LRRC61: variants seen among roughly 807,000 people sequenced by gnomAD.
LRRC61 encodes the protein leucine-rich repeat-containing protein 61.
A neutral mutation model predicts 15.1 loss-of-function variants in LRRC61; 9 were observed. The ratio of observed to expected loss-of-function variants is 0.60; its 90% confidence interval spans 0.36 to 1.04. The LOEUF is 1.04. LRRC61 is among the 50% of genes least tolerant of loss of function. The probability of loss-of-function intolerance (pLI) is 0.01; values close to 1 mark genes in which losing one functional copy is unlikely to be tolerated. For synonymous variants in LRRC61, 173 were observed against 158.6 expected (o/e 1.09, Z -0.68); for missense variants, 344 against 335.6 (o/e 1.03, Z -0.20).
At position 150,330,648 on chromosome 7, in the gene LRRC61, A is replaced by C. The variant is rs947104618; in HGVS notation, c.-145+4638A>C. The C allele has an allele frequency of 4.9e-6, 5 of 1,015,764 alleles. No individual in the cohort carries two copies. Among genetic ancestry groups the C allele is most frequent in the Non-Finnish European group, 7.9e-6 (5 of 633,416 alleles). 62.9% of individuals were successfully genotyped at this position (1,015,764 alleles called of 1,614,324 possible). A position where few individuals can be genotyped will look rare whatever the true frequency, so the allele number is the denominator to read the frequency against. ...GGCCACCTTGCTGGACCCTTGCTTC[A>C]AGGGGAAGATTGAGGCCATCCTGCC... On this transcript the variant is annotated intron_variant, in intron 2 of 2. Coordinates refer to ENST00000359623, the MANE Select transcript of LRRC61 (RefSeq NM_001142928.2). The surrounding 1 kb of genome is among the most constrained non-coding windows in gnomAD (Gnocchi z 4.6).
intron 1 of LRRC61, chr7:150,324,240 C>T (rs540584619): frequency 6.4e-6 from 1 of 157,458 alleles, no homozygotes; most frequent in Non-Finnish European, 1.4e-5. Context: ...GGAGTAGACA[C>T]TCTGTCCCCC....
In LRRC61 at chr7:150,330,524, G is replaced by A. The variant is rs1158795008; in HGVS notation, c.-145+4514G>A. 6.4e-6 allele frequency: 5 copies of A among 778,622 alleles called. No individual in the cohort carries two copies. The African/African-American group carries it at 8.5e-5, about 13-fold the overall frequency. 48.2% of individuals were successfully genotyped at this position (778,622 alleles called of 1,614,324 possible). A position where few individuals can be genotyped will look rare whatever the true frequency, so the allele number is the denominator to read the frequency against. On this transcript the variant is annotated intron_variant, in intron 2 of 2. Coordinates refer to ENST00000359623, the MANE Select transcript of LRRC61 (RefSeq NM_001142928.2). The surrounding 1 kb of genome is among the most constrained non-coding windows in gnomAD (Gnocchi z 4.6). ...CACACTTTCAGGAGCAGAGTGTCGGGGAGAGGGGCGCAGCCATCCAGCTGG... is the reference window on the plus strand; with the variant it reads ...CACACTTTCAGGAGCAGAGTGTCGGAGAGAGGGGCGCAGCCATCCAGCTGG...
At chr7:150,323,638 G>C in intron 1 of LRRC61, 78 bp downstream of exon 1, 2 of 455,464 alleles carry the variant, frequency 4.4e-6, no homozygotes, top group Middle Eastern at 3.3e-4. Flanking sequence ...GGGGCCACCT[G>C]CTGGGCCAGC....
chr7:150,334,641 G>A (rs954457136), intron 2 of LRRC61, among the ~76,000 whole-genome samples: 1 of 152,172 alleles, frequency 6.6e-6, no homozygotes, highest in Non-Finnish European at 1.5e-5. Flanking sequence ...TGAGCCCCAC[G>A]CCACACTCAC....
the LRRC61 span, among the ~76,000 whole-genome samples, chr7:150,312,514 C>T: frequency 2.0e-5 from 3 of 152,180 alleles, no homozygotes; most frequent in East Asian, 1.9e-4. Context: ...AAAAACTCAT[C>T]GCCACCTACA....
At chr7:150,331,019 C>T (rs758707244) in intron 2 of LRRC61, 30 of 1,611,640 alleles carry the variant, frequency 1.9e-5, no homozygotes, top group Admixed American at 1.7e-5. Flanking sequence ...AGAATGAGAC[C>T]GTTGGAGCCC....
At chr7:150,323,103 C>T (rs1190295265), upstream of LRRC61, 3 of 170,350 alleles carry the variant, frequency 1.8e-5, no homozygotes, top group Non-Finnish European at 1.3e-5. Flanking sequence ...GCTTGGAGGT[C>T]CTTTCTCTAA....
upstream of LRRC61, among the ~76,000 whole-genome samples, chr7:150,319,294 G>A (rs987125416): frequency 3.3e-5 from 5 of 151,114 alleles, no homozygotes; most frequent in African/African-American, 4.9e-5. Context: ...CACAAGCTCC[G>A]CCTCTCAGGT....
chr7:150,331,097 C>T (rs755592769), intron 2 of LRRC61: 19 of 1,610,416 alleles, frequency 1.2e-5, no homozygotes, highest in Non-Finnish European at 1.5e-5. Flanking sequence ...GTCTTACCCC[C>T]CACAGGAGCC....
upstream of LRRC61, chr7:150,322,772 T>C (rs190432247): frequency 1.3e-4 from 20 of 152,416 alleles, no homozygotes; most frequent in African/African-American, 4.8e-4. Context: ...GAATTCTTTC[T>C]TGCATGAGAT....
Position 150,330,827 on chromosome 7 carries a change from G to A in LRRC61, c.-145+4817G>A. ...CCACCAGGGTAGCCAAGAGCTCCGGGGTGGAGGGGAGAAGCCAGGGGGAGC... is the reference window on the plus strand; with the variant it reads ...CCACCAGGGTAGCCAAGAGCTCCGGAGTGGAGGGGAGAAGCCAGGGGGAGC... On this transcript the variant is annotated intron_variant, in intron 2 of 2. Coordinates refer to ENST00000359623, the MANE Select transcript of LRRC61 (RefSeq NM_001142928.2). The surrounding 1 kb of genome is among the most constrained non-coding windows in gnomAD (Gnocchi z 4.6). 3 of 1,609,834 alleles carry A rather than the reference G, an allele frequency of 1.9e-6. No homozygotes were observed. The highest frequency in any genetic ancestry group is 2.5e-6 in the Non-Finnish European group (3 of 1,177,440).
intron 1 of LRRC61, among the ~76,000 whole-genome samples, chr7:150,324,601 A>T (rs1797878662): frequency 6.6e-6 from 1 of 151,772 alleles, no homozygotes; most frequent in Non-Finnish European, 1.5e-5. Context: ...TCTGCACAGC[A>T]CTCCAGGACT....
upstream of LRRC61, among the ~76,000 whole-genome samples, chr7:150,320,144 C>T (rs1173896476): frequency 6.6e-6 from 1 of 152,208 alleles, no homozygotes; most frequent in Admixed American, 6.5e-5. Flanking sequence ...GGGGTTTCAC[C>T]CCAGACCCCA....
At chr7:150,316,027 G>A in the LRRC61 span, among the ~76,000 whole-genome samples, 1 of 152,096 alleles carries the variant, frequency 6.6e-6, no homozygotes, top group Admixed American at 6.6e-5. Context: ...GAGAAACCCC[G>A]TCTCTACTAA....
chr7:150,331,111 T>C, intron 2 of LRRC61: 1 of 1,607,562 alleles, frequency 6.2e-7, no homozygotes, highest in South Asian at 1.1e-5. Context: ...AGGAGCCTTC[T>C]CTGAAAGCAT....
At position 150,337,077 on chromosome 7, in the gene LRRC61, C is replaced by T. The variant is rs763456232; in HGVS notation, c.216C>T (p.Ala72=). ...GNALTHLGPL[A]SLRQLAVLNV... ...CGCTCACCCACCTGGGCCCGCTGGCCTCCTTGCGCCAGCTAGCTGTGCTCA... is the reference window on the plus strand; with the variant it reads ...CGCTCACCCACCTGGGCCCGCTGGCTTCCTTGCGCCAGCTAGCTGTGCTCA... Residue 72 remains alanine (A), a synonymous_variant, in exon 3 of 3, where the codon GCC becomes GCT. Coordinates refer to ENST00000359623, the MANE Select transcript of LRRC61 (RefSeq NM_001142928.2). 7 of 1,612,784 alleles carry T rather than the reference C, an allele frequency of 4.3e-6. No homozygotes were observed. The highest frequency in any genetic ancestry group is 2.2e-5 in the East Asian group (1 of 44,880).
In LRRC61 at chr7:150,323,503, T is replaced by C. The variant is rs913186191; in HGVS notation, c.-372T>C. The C allele has an allele frequency of 9.3e-5, 40 of 432,310 alleles. No individual in the cohort carries two copies. In the Admixed American group the frequency reaches 1.0e-3, roughly 11 times the overall value. The allele number at this position is 432,310 out of a possible 1,614,324, so 26.8% of individuals were successfully genotyped here. On this transcript the variant is annotated 5_prime_UTR_variant, in exon 1 of 3. Transcript: ENST00000359623. ...AGGCGCCGGCTCTGCGGTGCGGAGTTGCGCCGGACTTCCCAGCTTGGCCAG... is the reference window on the plus strand; with the variant it reads ...AGGCGCCGGCTCTGCGGTGCGGAGTCGCGCCGGACTTCCCAGCTTGGCCAG...
upstream of LRRC61, among the ~76,000 whole-genome samples, chr7:150,318,751 C>T (rs1797195412): frequency 2.0e-5 from 3 of 152,150 alleles, no homozygotes; most frequent in African/African-American, 7.2e-5. Context: ...ATCTCAACAA[C>T]AATGGCAACA....
chr7:150,329,294 G>C (rs1463187521), intron 2 of LRRC61, among the ~76,000 whole-genome samples: 2 of 152,246 alleles, frequency 1.3e-5, no homozygotes, highest in African/African-American at 2.4e-5. Flanking sequence ...GATTAAAGTA[G>C]ACAACAGCAC....
Sources: allele counts gnomAD v4.1 joint callset (sites outside exome capture counted in the v4.1 genomes callset), GRCh38; gene constraint gnomAD v4.1.1; non-coding constraint Gnocchi (gnomAD v3.1); transcripts MANE v1.5; gene names NCBI Gene and HGNC (gene_info 2026-07-23, HGNC 2026-07-21).